The following COL15A1 variants were observed in gnomAD, a reference collection of about 807,000 sequenced individuals.
COL15A1 encodes collagen alpha-1(XV) chain.
COL15A1 carries 111 observed loss-of-function variants against 165.9 expected under a neutral mutation model. That is an observed-to-expected ratio of 0.67 (90% CI 0.57 to 0.78). The LOEUF (loss-of-function observed/expected upper bound fraction) is 0.78, where lower values mean the gene tolerates loss of function less well. COL15A1 is among the 30% of genes least tolerant of loss of function. COL15A1 has a pLI of 0.00. For synonymous variants in COL15A1, 659 were observed against 674.8 expected (o/e 0.98, Z 0.36); for missense variants, 1,745 against 1,789.7 (o/e 0.98, Z 0.45).
rs558855383 is a variant in COL15A1 at position 98,987,151 on chromosome 9, T to C, written c.649-143T>C. The C allele has an allele frequency of 5.2e-6, 4 of 771,370 alleles. No individual in the cohort carries two copies. The African/African-American group carries it at 7.0e-5, about 13-fold the overall frequency. The allele number at this position is 771,370 out of a possible 1,614,324, so 47.8% of individuals were successfully genotyped here. ...AGAGTGGGCCAAGAGGTGGCCTGGC[T>C]TCGTGGTTGAGACTGCAGGCTGTAC... On this transcript the variant is annotated intron_variant, in intron 3 of 41. Coordinates refer to ENST00000375001, the MANE Select transcript of COL15A1 (RefSeq NM_001855.5).
chr9:98,997,146 G>A (rs74337034), intron 6 of COL15A1, 65 bp downstream of exon 6: 279,692 of 1,585,190 alleles, frequency 0.18, 27,108 homozygotes, highest in African/African-American at 0.34. Flanking sequence ...TGTCCAGCCG[G>A]GGCCATGTAT....
intron 2 of COL15A1, among the ~76,000 whole-genome samples, chr9:98,975,254 C>T (rs1252390256): frequency 6.6e-6 from 1 of 152,210 alleles, no homozygotes; most frequent in Non-Finnish European, 1.5e-5. Flanking sequence ...CCCAGATGAT[C>T]GTCTGTGAGA....
intron 22 of COL15A1, 62 bp from the exon 23 acceptor site, chr9:99,040,459 G>A (rs1365280992): frequency 1.2e-6 from 2 of 1,613,614 alleles, no homozygotes; most frequent in Non-Finnish European, 1.7e-6. Flanking sequence ...GAGGGAGGGG[G>A]TCCTGCTGAC....
At chr9:98,972,068 G>C (rs945589402) in intron 2 of COL15A1, among the ~76,000 whole-genome samples, 1 of 152,132 alleles carries the variant, frequency 6.6e-6, no homozygotes, top group African/African-American at 2.4e-5. Flanking sequence ...TACACACCAG[G>C]CCCTGTGCGA....
At chr9:98,981,179 C>T (rs921418161) in intron 2 of COL15A1, among the ~76,000 whole-genome samples, 17 of 152,226 alleles carry the variant, frequency 1.1e-4, no homozygotes, top group African/African-American at 3.6e-4. Context: ...CCAGGCCAGG[C>T]GCGGTGGCTC....
intron 9 of COL15A1, among the ~76,000 whole-genome samples, chr9:99,009,120 A>T: frequency 6.6e-6 from 1 of 152,224 alleles, no homozygotes; most frequent in East Asian, 1.9e-4. Flanking sequence ...CTATTCTAAC[A>T]TTACAATCTT....
At chr9:99,047,699 C>A in intron 26 of COL15A1, 87 bp from the exon 27 acceptor site, 1 of 1,385,872 alleles carries the variant, frequency 7.2e-7, no homozygotes, top group Admixed American at 1.7e-5. Flanking sequence ...ATCGTCACCA[C>A]TGCCTGCAAA....
chr9:98,995,854 A>G (rs141263117), intron 5 of COL15A1, among the ~76,000 whole-genome samples: 1 of 152,286 alleles, frequency 6.6e-6, no homozygotes, highest in African/African-American at 2.4e-5. Flanking sequence ...TGCATTTTCT[A>G]TTTCCTGCCT....
chr9:98,976,490 C>T (rs1838143796), intron 2 of COL15A1, among the ~76,000 whole-genome samples: 1 of 152,134 alleles, frequency 6.6e-6, no homozygotes, highest in Non-Finnish European at 1.5e-5. Flanking sequence ...TCATGCCTCC[C>T]AGATGGGCTC....
At chr9:98,967,674 G>C (rs962340024) in intron 2 of COL15A1, among the ~76,000 whole-genome samples, 1 of 152,200 alleles carries the variant, frequency 6.6e-6, no homozygotes, top group African/African-American at 2.4e-5. Flanking sequence ...GCCTGGGTTG[G>C]TCCATGGTGG....
At chr9:98,959,080 T>C (rs938495005) in intron 2 of COL15A1, among the ~76,000 whole-genome samples, 2 of 151,874 alleles carry the variant, frequency 1.3e-5, no homozygotes, top group African/African-American at 4.8e-5. Flanking sequence ...GAAAGAGTAT[T>C]GTAGCTTTGT....
intron 2 of COL15A1, among the ~76,000 whole-genome samples, chr9:98,953,375 T>C (rs905410301): frequency 3.9e-5 from 6 of 152,136 alleles, no homozygotes; most frequent in African/African-American, 1.4e-4. Flanking sequence ...CAGGGGTCCC[T>C]GGTCACCTAA....
intron 9 of COL15A1, among the ~76,000 whole-genome samples, chr9:99,006,783 A>G (rs1838770215): frequency 6.6e-6 from 1 of 152,258 alleles, no homozygotes; most frequent in South Asian, 2.1e-4. Context: ...AATAGAAACT[A>G]GAATTTGACC....
chr9:98,987,220 A>G, intron 3 of COL15A1, 74 bp from the exon 4 acceptor site: 1 of 1,444,034 alleles, frequency 6.9e-7, no homozygotes, highest in Non-Finnish European at 9.6e-7. Context: ...CATTGCCAAA[A>G]CAATCATGTC....
chr9:99,031,588 C>T (rs1269085013), intron 16 of COL15A1, among the ~76,000 whole-genome samples: 1 of 152,140 alleles, frequency 6.6e-6, no homozygotes, highest in East Asian at 1.9e-4. Context: ...TCTCATCTAT[C>T]CTGAGAGCTT....
At chr9:98,986,366 G>A in intron 3 of COL15A1, 2 of 436,670 alleles carry the variant, frequency 4.6e-6, no homozygotes, top group East Asian at 8.5e-5. Flanking sequence ...TCTGTAAGTG[G>A]AGATAAGAAA....
At chr9:99,062,136 A>T in intron 37 of COL15A1, 37 bp downstream of exon 37, 1 of 1,611,774 alleles carries the variant, frequency 6.2e-7, no homozygotes, top group Non-Finnish European at 8.5e-7. Flanking sequence ...CTGCCTTCAA[A>T]TACCCTCTAA....
At chr9:99,066,395 C>T (rs997928285) in intron 39 of COL15A1, among the ~76,000 whole-genome samples, 1 of 152,130 alleles carries the variant, frequency 6.6e-6, no homozygotes, top group Non-Finnish European at 1.5e-5. Flanking sequence ...TCTCCCAGAT[C>T]CCTCATGTGA....
rs1839031865 is a variant in COL15A1 at position 99,021,767 on chromosome 9, AG to A, written c.1702-323del. Among the ~76,000 whole-genome samples the A allele has an allele frequency of 1.3e-4, 20 of 152,268 alleles. 2 individuals are homozygous for A. The South Asian group carries it at 4.1e-3, about 32-fold the overall frequency. The stretch of plus-strand genomic sequence containing the variant: ...TTCAGGGGAGTCCACACTGGGCCTG[AG>A]CACTGAGCACTGGTGCTCTAGCAGG... On this transcript the variant is annotated intron_variant, in intron 12 of 41. Transcript: ENST00000375001.
Sources: allele counts gnomAD v4.1 joint callset (sites outside exome capture counted in the v4.1 genomes callset), GRCh38; gene constraint gnomAD v4.1.1; transcripts MANE v1.5; gene names NCBI Gene and HGNC (gene_info 2026-07-23, HGNC 2026-07-21).